Variants in TBL1X observed in about 807,000 individuals in gnomAD.
The protein encoded by TBL1X is transducin beta like 1 X-linked.
Under a neutral mutation model 50.7 loss-of-function variants are expected in TBL1X, and 10 were observed. That is an observed-to-expected ratio of 0.20 (90% CI 0.12 to 0.33). TBL1X has a LOEUF of 0.33. Among genes scored for constraint, TBL1X ranks in the 10% least tolerant of loss-of-function variants. The pLI, the probability that TBL1X is intolerant of heterozygous loss-of-function variation, is 1.00. For synonymous variants in TBL1X, 190 were observed against 214.7 expected (o/e 0.88, Z 1.01); for missense variants, 340 against 504.4 (o/e 0.67, Z 3.12).
chrX:9,700,817 G>A (rs1414573286), intron 12 of TBL1X, among the ~76,000 whole-genome samples: 4 of 111,817 alleles, frequency 3.6e-5, no homozygotes, highest in African/African-American at 9.7e-5. Context: ...AGTGAAACTC[G>A]GCCGCAGAAA....
intron 2 of TBL1X, among the ~76,000 whole-genome samples, chrX:9,576,271 C>T (rs1407606876): frequency 8.9e-6 from 1 of 112,100 alleles, no homozygotes; most frequent in Non-Finnish European, 1.9e-5. Flanking sequence ...CATCAGGCCA[C>T]GTCAGTGTGT....
rs915204378 is a variant in TBL1X, at chrX:9,716,392, A to G, written c.*146A>G. On this transcript the variant is annotated 3_prime_UTR_variant, in exon 18 of 18. Transcript: ENST00000645353. ...AACTCGTCTCTGGCCGCAGGAGTCT[A>G]TATGTTTTCGTAATCTTCATCAAGA... is the stretch of plus-strand genomic sequence containing the variant. 6.9e-6 allele frequency: 4 copies of G among 583,437 alleles called. No individual in the cohort carries two copies. Among genetic ancestry groups the G allele is most frequent in the South Asian group, 3.4e-5 (1 of 28,991 alleles). The allele number at this position is 583,437 out of a possible 1,213,427, so 48.1% of individuals were successfully genotyped here.
chrX:9,475,333 C>T (rs1250416738), intron 1 of TBL1X, among the ~76,000 whole-genome samples: 1 of 111,292 alleles, frequency 9.0e-6, no homozygotes, highest in Non-Finnish European at 1.9e-5. Context: ...ACGTCTGCCT[C>T]CCAAGTTTAA....
intron 2 of TBL1X, among the ~76,000 whole-genome samples, chrX:9,609,463 C>A (rs182995597): frequency 9.3e-6 from 1 of 107,672 alleles, no homozygotes; most frequent in African/African-American, 3.4e-5. Context: ...TGTAGTATGC[C>A]CCTTCCACTT....
At chrX:9,479,538 ACT>A (rs1370498081) in intron 1 of TBL1X, among the ~76,000 whole-genome samples, 1 of 112,630 alleles carries the variant, frequency 8.9e-6, no homozygotes, top group African/African-American at 3.2e-5. Flanking sequence ...ACATCACATG[ACT>A]CTGATCTTTC....
chrX:9,523,054 C>G (rs1322017060), intron 2 of TBL1X, among the ~76,000 whole-genome samples: 1 of 111,903 alleles, frequency 8.9e-6, no homozygotes, highest in Non-Finnish European at 1.9e-5. Context: ...ATTCTTCATT[C>G]TCTACACAGA....
chrX:9,714,631 C>T (rs370296595), intron 16 of TBL1X, among the ~76,000 whole-genome samples: 1 of 112,131 alleles, frequency 8.9e-6, no homozygotes, highest in Non-Finnish European at 1.9e-5. Flanking sequence ...CATGGTCTCC[C>T]GCCTCCATCA....
At chrX:9,494,296 A>G (rs2081961074) in intron 1 of TBL1X, among the ~76,000 whole-genome samples, 1 of 111,782 alleles carries the variant, frequency 8.9e-6, no homozygotes, top group African/African-American at 3.3e-5. Context: ...TCCATACTCT[A>G]GGGTTGTCTT....
At chrX:9,654,427 GAGCT>G in intron 5 of TBL1X, 105 bp downstream of exon 5, 6 of 937,964 alleles carry the variant, frequency 6.4e-6, no homozygotes, top group Non-Finnish European at 9.1e-6. Flanking sequence ...AGAAGAAGAA[GAGCT>G]AAGAAGGTTC....
At chrX:9,479,217 G>T (rs762185370) in intron 1 of TBL1X, among the ~76,000 whole-genome samples, 2 of 112,912 alleles carry the variant, frequency 1.8e-5, no homozygotes, top group South Asian at 7.2e-4. Flanking sequence ...CTAGCACTTT[G>T]GGAGGCCAGG....
At chrX:9,587,873 A>C (rs974689171) in intron 2 of TBL1X, among the ~76,000 whole-genome samples, 3 of 94,635 alleles carry the variant, frequency 3.2e-5, no homozygotes, top group Non-Finnish European at 6.0e-5. Context: ...TAGGAACCTC[A>C]TACAAGCAGA....
At chrX:9,707,461 CT>C (rs1464579042) in intron 13 of TBL1X, among the ~76,000 whole-genome samples, 1 of 112,693 alleles carries the variant, frequency 8.9e-6, no homozygotes, top group East Asian at 2.8e-4. Flanking sequence ...GGCCTTGGCC[CT>C]TTAAGTGGGT....
intron 2 of TBL1X, among the ~76,000 whole-genome samples, chrX:9,533,309 G>C (rs755071312): frequency 1.8e-5 from 2 of 110,901 alleles, no homozygotes; most frequent in African/African-American, 6.6e-5. Flanking sequence ...CGCACCCTTC[G>C]GCCTGCTTTT....
intron 2 of TBL1X, among the ~76,000 whole-genome samples, chrX:9,605,575 A>G (rs2082579001): frequency 8.9e-6 from 1 of 112,581 alleles, no homozygotes; most frequent in Non-Finnish European, 1.9e-5. Flanking sequence ...TCTAATTAAA[A>G]ATGTCATGTA....
intron 3 of TBL1X, among the ~76,000 whole-genome samples, chrX:9,647,788 A>G (rs1347753782): frequency 2.7e-5 from 3 of 111,124 alleles, no homozygotes; most frequent in Non-Finnish European, 5.7e-5. Flanking sequence ...CCTGCTTGAC[A>G]TTGCTGATGA....
At chrX:9,567,932 T>A (rs1459941727) in intron 2 of TBL1X, among the ~76,000 whole-genome samples, 2 of 112,163 alleles carry the variant, frequency 1.8e-5, no homozygotes, top group Non-Finnish European at 3.8e-5. Context: ...AGTCCAGCCC[T>A]GGGACTTCCA....
chrX:9,568,488 T>C (rs1276399727), intron 2 of TBL1X, among the ~76,000 whole-genome samples: 1 of 111,036 alleles, frequency 9.0e-6, no homozygotes, highest in Admixed American at 9.6e-5. Context: ...ATCTGCACCG[T>C]GGTTTGTGTG....
intron 2 of TBL1X, among the ~76,000 whole-genome samples, chrX:9,629,392 C>G: frequency 8.9e-6 from 1 of 112,322 alleles, no homozygotes; most frequent in Admixed American, 9.4e-5. Flanking sequence ...AAATGTGTAC[C>G]TACCACTGCT....
chrX:9,613,139 T>C (rs906411346), intron 2 of TBL1X, among the ~76,000 whole-genome samples: 1 of 111,746 alleles, frequency 8.9e-6, no homozygotes, highest in Non-Finnish European at 1.9e-5. Flanking sequence ...TTTGTGGTTA[T>C]TAATCTGTTT....
Sources: gnomAD v4.1 joint callset for allele counts (sites outside exome capture counted in the v4.1 genomes callset) on GRCh38, gnomAD v4.1.1 for gene constraint, MANE v1.5 for transcripts, NCBI Gene and HGNC (gene_info 2026-07-23, HGNC 2026-07-21) for gene names.